Variants in PSEN2 observed in about 807,000 individuals in gnomAD.
PSEN2 encodes presenilin-2.
A neutral mutation model predicts 49.1 loss-of-function variants in PSEN2; 32 were observed. The ratio of observed to expected loss-of-function variants is 0.65; its 90% CI spans 0.49 to 0.88. The LOEUF (loss-of-function observed/expected upper bound fraction) is 0.88, where lower values mean the gene tolerates loss of function less well. PSEN2 is among the 40% of genes least tolerant of loss of function. The pLI is 0.00. For missense variants in PSEN2, 522 were observed against 586.9 expected, an observed-to-expected ratio of 0.89 and a Z score of 1.14; for synonymous variants, 255 against 244.0, an observed-to-expected ratio of 1.05 and a Z score of -0.42.
intron 12 of PSEN2, among the ~76,000 whole-genome samples, chr1:226,903,014 T>C (rs1228798727): frequency 1.3e-5 from 2 of 148,638 alleles, no homozygotes; most frequent in Non-Finnish European, 2.9e-5. Context: ...TTTGTACTAT[T>C]CCTGCAACCT....
downstream of PSEN2, among the ~76,000 whole-genome samples, chr1:226,900,899 G>A (rs1356172203): frequency 2.6e-5 from 4 of 152,154 alleles, no homozygotes; most frequent in Non-Finnish European, 4.4e-5. Flanking sequence ...CGCACTAAAT[G>A]AGTTTACCTT....
chr1:226,872,196 T>C (rs1372621516), intron 2 of PSEN2, among the ~76,000 whole-genome samples: 2 of 152,148 alleles, frequency 1.3e-5, no homozygotes, highest in East Asian at 3.8e-4. Flanking sequence ...CTCCCCTCCG[T>C]AGCTGCTCAC....
At chr1:226,900,594 G>A (rs953080537), downstream of PSEN2, among the ~76,000 whole-genome samples, 38 of 152,312 alleles carry the variant, frequency 2.5e-4, 1 homozygote, top group African/African-American at 9.1e-4. Flanking sequence ...GTGAGGGACC[G>A]TGGATTTTGG....
Position 226,881,925 on chromosome 1 carries a change from C to T in PSEN2, c.18C>T (p.Ala6=), listed in dbSNP as rs763738488. 1 of 1,614,222 alleles carries T rather than the reference C, an allele frequency of 6.2e-7. No individual in the cohort carries two copies. Among genetic ancestry groups the T allele is most frequent in the Non-Finnish European group, 8.5e-7 (1 of 1,180,048 alleles). The part of the protein sequence containing the change: MLTFM[A]SDSEEEVCDE... ...GCAGGGCTATGCTCACATTCATGGC[C>T]TCTGACAGCGAGGAAGAAGTGTGTG... The change falls in exon 4 of 13, where the codon GCC becomes GCT. Residue 6 remains alanine (A), a synonymous_variant. Coordinates refer to ENST00000366783, the MANE Select transcript of PSEN2 (RefSeq NM_000447.3).
In PSEN2 at chr1:226,882,018, C is replaced by T. The variant is rs139309459; in HGVS notation, c.111C>T (p.Gly37=). Residue 37 remains glycine, a synonymous_variant, in exon 4 of 13, where the codon GGC becomes GGT. Coordinates refer to ENST00000366783, the MANE Select transcript of PSEN2 (RefSeq NM_000447.3). The part of the protein sequence containing the change: ...TPRSCQEGRQ[G]PEDGENTAQW... ...GCTCCTGCCAGGAGGGCAGGCAGGGCCCAGAGGATGGAGAGAACACTGCCC... is the reference window on the plus strand; with the variant it reads ...GCTCCTGCCAGGAGGGCAGGCAGGGTCCAGAGGATGGAGAGAACACTGCCC... 1 of 1,614,156 alleles carries T rather than the reference C, an allele frequency of 6.2e-7. No individual in the cohort carries two copies. The highest frequency in any genetic ancestry group is 8.5e-7 in the Non-Finnish European group (1 of 1,180,036).
At chr1:226,886,662 T>G (rs1558147736) in intron 6 of PSEN2, among the ~76,000 whole-genome samples, 1 of 152,048 alleles carries the variant, frequency 6.6e-6, no homozygotes, top group Non-Finnish European at 1.5e-5. Context: ...ATGGAGCAGG[T>G]AGATAGAAGT....
At chr1:226,882,099 G>C (rs1661040705) in intron 4 of PSEN2, 51 bp downstream of exon 4, 2 of 1,604,784 alleles carry the variant, frequency 1.2e-6, no homozygotes, top group East Asian at 4.5e-5. Context: ...TGCGGCTACT[G>C]TACCTTACAG....
intron 5 of PSEN2, 51 bp downstream of exon 5, chr1:226,883,970 G>T: frequency 1.7e-6 from 2 of 1,191,934 alleles, no homozygotes; most frequent in Admixed American, 2.1e-5. Context: ...TGAGTTGCCA[G>T]GGGGTGGGGG....
rs200977587 is a variant in PSEN2 at position 226,891,840 on chromosome 1, G to C, written c.1068G>C (p.Glu356Asp). 6.2e-7 allele frequency: 1 copy of C among 1,613,790 alleles called. No homozygotes were observed. Among genetic ancestry groups the C allele is most frequent in the Non-Finnish European group, 8.5e-7 (1 of 1,179,686 alleles). ...CAGGGGAGGAGCTGGAGGAAGAGGA[G>C]GAAAGTAAGGTGCCCATGTTCACAC... ...GYPGEELEEE[E>D]ERGVKLGLGD... Residue 356 changes from glutamate to aspartate, a missense_variant, in exon 11 of 13, where the codon GAG (glutamate) becomes GAC (aspartate). Physicochemically the swap from Glu to Asp is conservative, Grantham distance 45 (BLOSUM62 2). Coordinates refer to ENST00000366783, the MANE Select transcript of PSEN2 (RefSeq NM_000447.3).
intron 12 of PSEN2, 31 bp downstream of exon 12, chr1:226,894,156 CGTG>C (rs1558154397): frequency 6.3e-7 from 1 of 1,578,484 alleles, no homozygotes; most frequent in East Asian, 2.2e-5. Context: ...CCAGCTGCCT[CGTG>C]GTGGGGGCCC....
chr1:226,888,998 T>G lies in PSEN2; in HGVS notation c.736T>G (p.Tyr246Asp). 1 of 1,614,156 alleles carries G rather than the reference T, an allele frequency of 6.2e-7. No individual in the cohort carries two copies. The highest frequency in any genetic ancestry group is 8.5e-7 in the Non-Finnish European group (1 of 1,180,006). ...GCTCATGGCCCTAGTGTTCATCAAG[T>G]ACCTCCCAGAGTGGTCCGCGTGGGT... is the stretch of plus-strand genomic sequence containing the variant. ...SALMALVFIK[Y>D]LPEWSAWVIL... Residue 246 changes from tyrosine to aspartate, a missense_variant, in exon 8 of 13, where the codon TAC (tyrosine) becomes GAC (aspartate). By Grantham distance (160) the Tyr-to-Asp change is radical. Coordinates refer to ENST00000366783, the MANE Select transcript of PSEN2 (RefSeq NM_000447.3).
At chr1:226,886,957 A>AC (rs1661402855) in intron 6 of PSEN2, among the ~76,000 whole-genome samples, 1 of 152,176 alleles carries the variant, frequency 6.6e-6, no homozygotes, top group South Asian at 2.1e-4. Flanking sequence ...TAAAATAAGT[A>AC]ACAATTACCT....
In PSEN2 at chr1:226,879,641, C is replaced by G. The variant is rs147467284; in HGVS notation, c.-20-2247C>G. On this transcript the variant is annotated intron_variant, in intron 3 of 12. Coordinates refer to ENST00000366783, the MANE Select transcript of PSEN2 (RefSeq NM_000447.3). ...GGTTACCTCTTTCCAGAATGAGCCC[C>G]CTCCTCCAAACTCTGCCTGGTGAAA... 3.5e-3 allele frequency among the ~76,000 whole-genome samples: 537 copies of G among 152,324 alleles called. 2 individuals are homozygous for G. The highest frequency in any genetic ancestry group is 0.012 in the African/African-American group (486 of 41,568).
chr1:226,903,460 G>A (rs1662376269), intron 12 of PSEN2: 1 of 152,040 alleles, frequency 6.6e-6, no homozygotes, highest in South Asian at 2.1e-4. Context: ...CTGATTAATC[G>A]GAATAAAATG....
At chr1:226,894,551 G>T (rs899833697) in intron 12 of PSEN2, among the ~76,000 whole-genome samples, 3 of 152,240 alleles carry the variant, frequency 2.0e-5, no homozygotes, top group Non-Finnish European at 4.4e-5. Flanking sequence ...ATGCCATTGG[G>T]ACACCACAGG....
Position 226,883,730 on chromosome 1 carries a change from G to C in PSEN2, c.167G>C (p.Gly56Ala). Residue 56 changes from glycine to alanine, a missense_variant, in exon 5 of 13, where the codon GGT (glycine) becomes GCT (alanine). Transcript: ENST00000366783. ...QWRSQENEED[G>A]EEDPDRYVCS... ...AGAAGCCAGGAGAACGAGGAGGACG[G>C]TGAGGAGGACCCTGACCGCTATGTC... 2.5e-6 allele frequency: 4 copies of C among 1,614,166 alleles called. No homozygotes were observed. Among genetic ancestry groups the C allele is most frequent in the Non-Finnish European group, 2.5e-6 (3 of 1,180,040 alleles).
At chr1:226,895,099 TC>T (rs1171971988) in intron 12 of PSEN2, among the ~76,000 whole-genome samples, 1 of 152,112 alleles carries the variant, frequency 6.6e-6, no homozygotes, top group Non-Finnish European at 1.5e-5. Context: ...AAATACATGT[TC>T]CCTGAGGGCA....
At chr1:226,884,630 A>C (rs1661230849) in intron 5 of PSEN2, 1 of 151,662 alleles carries the variant, frequency 6.6e-6, no homozygotes, top group Non-Finnish European at 1.5e-5. Context: ...AGAAAGGAAT[A>C]AGGCCAGGTG....
rs1170206299 is a variant in PSEN2, at chr1:226,891,670, C to A, written c.971-73C>A. On this transcript the variant is annotated intron_variant, in intron 10 of 12. Transcript: ENST00000366783. ...CTTTGTTCCCTGGTAACACTCTGAC[C>A]AGCTGTTGTTTCTCTCTCTTGTTGT... The A allele has an allele frequency of 1.7e-5, 23 of 1,329,100 alleles. No homozygotes were observed. The East Asian group carries it at 4.8e-4, about 28-fold the overall frequency. The allele number at this position is 1,329,100 out of a possible 1,614,324, so 82.3% of individuals were successfully genotyped here.
Sources: allele counts gnomAD v4.1 joint callset (sites outside exome capture counted in the v4.1 genomes callset), GRCh38; gene constraint gnomAD v4.1.1; transcripts MANE v1.5; gene names NCBI Gene and HGNC (gene_info 2026-07-23, HGNC 2026-07-21).